Variants in STARD9 observed in about 807,000 individuals in gnomAD.
The protein encoded by STARD9 is stAR-related lipid transfer protein 9.
STARD9 carries 346 observed loss-of-function variants against 399.8 expected under a neutral mutation model. That is an observed-to-expected ratio of 0.87 (90% confidence interval 0.79 to 0.95). The LOEUF (loss-of-function observed/expected upper bound fraction) is 0.95, where lower values mean the gene tolerates loss of function less well. Among genes scored for constraint, STARD9 ranks in the 40% least tolerant of loss-of-function variants. The probability of loss-of-function intolerance (pLI) is 0.00; values close to 1 mark genes in which losing one functional copy is unlikely to be tolerated. For synonymous variants in STARD9, 2,203 were observed against 2,143.5 expected, an observed-to-expected ratio of 1.03 and a Z score of -0.77; for missense variants, 5,832 against 5,667.5, an observed-to-expected ratio of 1.03 and a Z score of -0.93.
At chr15:42,708,779 A>G (rs73410927) in intron 26 of STARD9, among the ~76,000 whole-genome samples, 9,244 of 152,046 alleles carry the variant, frequency 0.061, 628 homozygotes, top group African/African-American at 0.18. Context: ...CATGCTTACG[A>G]ACTACAAAAG....
chr15:42,710,055 G>GTCTTTTT (rs1428155025), intron 26 of STARD9, among the ~76,000 whole-genome samples: 1 of 138,752 alleles, frequency 7.2e-6, no homozygotes, highest in Non-Finnish European at 1.5e-5. Flanking sequence ...GACATGCCCT[G>GTCTTTTT]TCTTTTTTTT....
chr15:42,680,431 C>G (rs1230093207), intron 20 of STARD9, among the ~76,000 whole-genome samples: 2 of 151,984 alleles, frequency 1.3e-5, no homozygotes, highest in Admixed American at 6.6e-5. Flanking sequence ...AAAATCCTGT[C>G]TCTACTAAAA....
intron 3 of STARD9, among the ~76,000 whole-genome samples, chr15:42,610,547 C>A (rs1033940291): frequency 6.6e-6 from 1 of 151,974 alleles, no homozygotes; most frequent in African/African-American, 2.4e-5. Flanking sequence ...CTTTCTTTTT[C>A]TTCTTCTTTT....
At chr15:42,667,210 A>G (rs931866409) in intron 15 of STARD9, among the ~76,000 whole-genome samples, 3 of 151,672 alleles carry the variant, frequency 2.0e-5, no homozygotes, top group South Asian at 2.1e-4. Flanking sequence ...TTTGAAACGG[A>G]GTCTCACCCT....
chr15:42,584,887 T>A lies in STARD9; in HGVS notation c.118-634T>A, dbSNP rs1035991402. ...AATAATATAGGTTGAACGTCTTAAT[T>A]TGAAAATTTGAAATCTGAAATCCTT... is the stretch of plus-strand genomic sequence containing the variant. On this transcript the variant is annotated intron_variant, in intron 2 of 32. Transcript: ENST00000290607. 5.3e-5 allele frequency among the ~76,000 whole-genome samples: 8 copies of A among 152,296 alleles called. No individual in the cohort carries two copies. In the East Asian group the frequency reaches 9.6e-4, roughly 18 times the overall value.
rs527346491 is a variant in STARD9 at position 42,623,781 on chromosome 15, G to A, written c.235-11075G>A. Among the ~76,000 whole-genome samples the A allele has an allele frequency of 4.6e-5, 7 of 152,304 alleles. No homozygotes were observed. In the East Asian group the frequency reaches 5.8e-4, roughly 13 times the overall value. On this transcript the variant is annotated intron_variant, in intron 3 of 32. Coordinates refer to ENST00000290607, the MANE Select transcript of STARD9 (RefSeq NM_020759.3). ...AAATGTAAAATGTGGACGAACATGG[G>A]AAATAAATCTCTGTATTTCACAGCA...
chr15:42,660,565 C>CAA (rs1230698735), intron 9 of STARD9, among the ~76,000 whole-genome samples: 5 of 50,572 alleles, frequency 9.9e-5, no homozygotes, highest in African/African-American at 3.6e-4. Flanking sequence ...AACTCCGGCT[C>CAA]AAAAAAAAAA....
intron 7 of STARD9, among the ~76,000 whole-genome samples, chr15:42,645,629 G>A (rs937341187): frequency 2.6e-5 from 4 of 151,044 alleles, no homozygotes; most frequent in African/African-American, 9.7e-5. Flanking sequence ...GCAGTGGCGT[G>A]ATCACAGCTC....
In STARD9 at chr15:42,685,427, C is replaced by G. The variant is rs1015694240; in HGVS notation, c.3849C>G (p.Pro1283=). ...TTTACCTTGATCCTCAGTTCCAACC[C>G]CATTGTGAGCTCCAACCCCATTGTG... is the stretch of plus-strand genomic sequence containing the variant. ...SSFYLDPQFQ[P]HCELQPHCEL... is the part of the protein sequence containing the mutation. The change falls in exon 23 of 33, where the codon CCC becomes CCG. Residue 1283 remains proline, a synonymous_variant. Transcript: ENST00000290607. 6.5e-6 allele frequency: 10 copies of G among 1,536,064 alleles called. No homozygotes were observed. In the Admixed American group the frequency reaches 1.6e-4, roughly 24 times the overall value.
chr15:42,649,799 A>G lies in STARD9; in HGVS notation c.560-1217A>G, dbSNP rs965766491. 2.0e-5 allele frequency among the ~76,000 whole-genome samples: 3 copies of G among 147,734 alleles called. No individual in the cohort carries two copies. The Admixed American group carries it at 2.0e-4, about 10-fold the overall frequency. On this transcript the variant is annotated intron_variant, in intron 7 of 32. Coordinates refer to ENST00000290607, the MANE Select transcript of STARD9 (RefSeq NM_020759.3). ...TGGTCTTGGAACTCCTGACCTCATG[A>G]TCTACCTGCCTTGGGCTCCCAAAGT... is the stretch of plus-strand genomic sequence containing the variant.
chr15:42,698,522 T>C (rs949999732), intron 26 of STARD9, among the ~76,000 whole-genome samples: 12 of 152,186 alleles, frequency 7.9e-5, no homozygotes, highest in Non-Finnish European at 1.5e-4. Flanking sequence ...CTTACCAATT[T>C]GGAGAGTTCT....
At chr15:42,671,844 G>T (rs2060209960) in intron 16 of STARD9, 1 of 152,194 alleles carries the variant, frequency 6.6e-6, no homozygotes, top group Non-Finnish European at 1.5e-5. Flanking sequence ...GATTCACCAT[G>T]TTGGCCAGGC....
rs542069154 is a variant in STARD9, at chr15:42,619,406, T to TA, written c.235-15441dup. 2.1e-4 allele frequency among the ~76,000 whole-genome samples: 31 copies of TA among 151,144 alleles called. 1 individual carries two copies. The South Asian group carries it at 3.8e-3, about 18-fold the overall frequency. ...AAAGTGAGACATCTCTACAAAAAAT[T>TA]AAAAAAAAATTAGCCGGGCATGGTG... On this transcript the variant is annotated intron_variant, in intron 3 of 32. Coordinates refer to ENST00000290607, the MANE Select transcript of STARD9 (RefSeq NM_020759.3).
At chr15:42,682,983 A>C (rs1472111943) in intron 22 of STARD9, among the ~76,000 whole-genome samples, 1 of 152,112 alleles carries the variant, frequency 6.6e-6, no homozygotes, top group African/African-American at 2.4e-5. Flanking sequence ...GACCTGCCAC[A>C]TCAAGTGAGC....
At position 42,717,814 on chromosome 15, in the gene STARD9, C is replaced by A. The variant is rs774624395; in HGVS notation, c.13559+19C>A. The A allele has an allele frequency of 3.3e-6, 5 of 1,535,990 alleles. No individual in the cohort carries two copies. The highest frequency in any genetic ancestry group is 3.5e-6 in the Non-Finnish European group (4 of 1,145,944). ...GCTGGAAGTAAGTTTGTTTAGGGTC[C>A]TTTGTACAGTGTCTGTCTTGGTAAG... On this transcript the variant is annotated intron_variant, in intron 29 of 32. Coordinates refer to ENST00000290607, the MANE Select transcript of STARD9 (RefSeq NM_020759.3).
At chr15:42,704,776 G>A (rs114784267) in intron 26 of STARD9, among the ~76,000 whole-genome samples, 2 of 152,130 alleles carry the variant, frequency 1.3e-5, no homozygotes, top group African/African-American at 2.4e-5. Flanking sequence ...TGCATAATTC[G>A]GTCTCCTTCC....
At chr15:42,682,020 C>A in intron 21 of STARD9, 84 bp from the exon 22 acceptor site, 1 of 918,480 alleles carries the variant, frequency 1.1e-6, no homozygotes, top group South Asian at 1.7e-5. Context: ...ACAGGTCCAG[C>A]CATGGCTGGA....
chr15:42,674,794 C>A, intron 17 of STARD9, 33 bp from the exon 18 acceptor site: 1 of 1,497,136 alleles, frequency 6.7e-7, no homozygotes, highest in East Asian at 2.5e-5. Context: ...CTGCATCGTC[C>A]TCCCACCCAA....
At position 42,688,819 on chromosome 15, in the gene STARD9, T is replaced by C. The variant is rs1196496239; in HGVS notation, c.7241T>C (p.Met2414Thr). The part of the protein sequence containing the change: ...HTAWCGSVRS[M>T]AMGSHSQSGV... ...GCCTGGTGTGGGTCTGTGCGATCCA[T>C]GGCCATGGGATCTCATAGTCAATCT... Residue 2414 changes from methionine (M) to threonine (T), a missense_variant, in exon 23 of 33, where the codon ATG (methionine) becomes ACG (threonine). By Grantham distance (81) the Met-to-Thr change is moderately conservative. Around this residue, in one of 2 missense-constraint regions of STARD9, gnomAD observed 5,828 missense variants for 5,651.1 expected, o/e 1.03. Coordinates refer to ENST00000290607, the MANE Select transcript of STARD9 (RefSeq NM_020759.3). The C allele has an allele frequency of 6.5e-7, 1 of 1,537,234 alleles. No homozygotes were observed. The highest frequency in any genetic ancestry group is 8.7e-7 in the Non-Finnish European group (1 of 1,146,950).
Sources: gnomAD v4.1 joint callset for allele counts (sites outside exome capture counted in the v4.1 genomes callset) on GRCh38, gnomAD v4.1.1 for gene constraint, gnomAD v4.1.1 regional missense constraint, MANE v1.5 for transcripts, NCBI Gene and HGNC (gene_info 2026-07-23, HGNC 2026-07-21) for gene names.